Variants in TANGO6 observed in about 807,000 individuals in gnomAD.
TANGO6 encodes the protein transport and golgi organization 6 homolog, also known as transport and Golgi organization protein 6 homolog.
In TANGO6, 90 loss-of-function variants were observed where a neutral mutation model predicts 114.2. That is an observed-to-expected ratio of 0.79 (90% confidence interval 0.66 to 0.94). TANGO6 has a LOEUF of 0.94. Ranked by LOEUF, TANGO6 falls within the 40% of genes least tolerant of loss-of-function variation. The pLI, the probability that TANGO6 is intolerant of heterozygous loss-of-function variation, is 0.00. For missense variants in TANGO6, 1,274 were observed against 1,315.3 expected (o/e 0.97, Z 0.49); for synonymous variants, 477 against 509.8 (o/e 0.94, Z 0.87).
intron 4 of TANGO6, among the ~76,000 whole-genome samples, chr16:68,873,022 T>A (rs879725607): frequency 2.0e-4 from 30 of 151,524 alleles, no homozygotes; most frequent in Non-Finnish European, 3.1e-4. Flanking sequence ...TTTTTTTTTT[T>A]AAAGAGTACA....
At chr16:68,878,633 C>G (rs1401204758) in intron 6 of TANGO6, among the ~76,000 whole-genome samples, 1 of 152,140 alleles carries the variant, frequency 6.6e-6, no homozygotes, top group Non-Finnish European at 1.5e-5. Context: ...ATGTCAGTCT[C>G]CTACATAACC....
chr16:69,073,682 C>T (rs113031136), intron 17 of TANGO6, among the ~76,000 whole-genome samples: 2,625 of 152,268 alleles, frequency 0.017, 84 homozygotes, highest in African/African-American at 0.059. Context: ...CGAAGCCAGG[C>T]CTGGTGGCTC....
chr16:68,972,925 C>T (rs560700403), intron 14 of TANGO6: 4 of 282,070 alleles, frequency 1.4e-5, no homozygotes, highest in East Asian at 1.1e-4. Context: ...CCGACTCCTC[C>T]GAGCCAGGAT....
chr16:68,870,212 G>T (rs1342449923), intron 4 of TANGO6, among the ~76,000 whole-genome samples: 1 of 152,150 alleles, frequency 6.6e-6, no homozygotes, highest in Admixed American at 6.6e-5. Flanking sequence ...GGGTTTGAGA[G>T]ATATTTAAGG....
chr16:69,008,928 C>T (rs948501613), intron 15 of TANGO6, among the ~76,000 whole-genome samples: 5 of 151,978 alleles, frequency 3.3e-5, no homozygotes, highest in African/African-American at 1.2e-4. Flanking sequence ...AGGTGTGAGC[C>T]ACCGAGCCCG....
At chr16:68,904,920 G>A (rs1260454920) in intron 9 of TANGO6, among the ~76,000 whole-genome samples, 3 of 152,168 alleles carry the variant, frequency 2.0e-5, no homozygotes, top group South Asian at 2.1e-4. Context: ...GCAACATAGC[G>A]AGACTCCATT....
intron 4 of TANGO6, chr16:68,867,941 A>C (rs1962205648): frequency 6.6e-6 from 1 of 151,482 alleles, no homozygotes; most frequent in Non-Finnish European, 1.5e-5. Flanking sequence ...CAGGAGTTCA[A>C]GACCAGCCTG....
rs1005832522 is a variant in TANGO6, at chr16:68,855,333, G to T, written c.95-4551G>T. The stretch of plus-strand genomic sequence containing the variant: ...GTGGTGGCTCACACCTGTAATGCCA[G>T]CACTTTGGGAGGCCAAGGCAGACAG... On this transcript the variant is annotated intron_variant, in intron 1 of 17. Coordinates refer to ENST00000261778, the MANE Select transcript of TANGO6 (RefSeq NM_024562.2). Among the ~76,000 whole-genome samples the T allele has an allele frequency of 4.6e-5, 7 of 152,162 alleles. No homozygotes were observed. The South Asian group carries it at 6.2e-4, about 14-fold the overall frequency.
Position 68,843,595 on chromosome 16 carries a change from G to A in TANGO6, c.-23G>A, listed in dbSNP as rs1395465732. The A allele has an allele frequency of 3.1e-6, 5 of 1,609,160 alleles. No individual in the cohort carries two copies. The Admixed American group carries it at 5.0e-5, about 16-fold the overall frequency. ...CTGCCGAGGCGCCTGAGCGGGTCGC[G>A]AGCGTGGTGTTACACTCCAGTCATG... On this transcript the variant is annotated 5_prime_UTR_variant, in exon 1 of 18. Transcript: ENST00000261778.
chr16:68,985,800 A>G (rs1335404054), intron 15 of TANGO6, among the ~76,000 whole-genome samples: 1 of 152,228 alleles, frequency 6.6e-6, no homozygotes, highest in East Asian at 1.9e-4. Context: ...GCAGTGAATT[A>G]AACTGCTAAT....
intron 8 of TANGO6, among the ~76,000 whole-genome samples, chr16:68,901,850 A>G (rs1007770809): frequency 2.0e-5 from 3 of 152,150 alleles, no homozygotes; most frequent in African/African-American, 7.2e-5. Context: ...AGAGACTGAC[A>G]AGGAACATGT....
At chr16:68,873,245 A>C (rs1249734805) in intron 4 of TANGO6, among the ~76,000 whole-genome samples, 2 of 152,096 alleles carry the variant, frequency 1.3e-5, no homozygotes, top group African/African-American at 4.8e-5. Flanking sequence ...CATTTCATAC[A>C]ATACATGGTC....
chr16:68,883,293 G>C (rs1281546463), intron 7 of TANGO6, among the ~76,000 whole-genome samples: 2 of 152,242 alleles, frequency 1.3e-5, no homozygotes, highest in Non-Finnish European at 2.9e-5. Flanking sequence ...CCTGAGGTAA[G>C]GAGTTCAAGA....
At position 69,050,905 on chromosome 16, in the gene TANGO6, G is replaced by A. The variant is rs993853748; in HGVS notation, c.3108+10484G>A. Among the ~76,000 whole-genome samples the A allele has an allele frequency of 3.3e-5, 5 of 152,152 alleles. No homozygotes were observed. The East Asian group carries it at 7.7e-4, about 23-fold the overall frequency. On this transcript the variant is annotated intron_variant, in intron 17 of 17. Transcript: ENST00000261778. Reference sequence around the variant, plus strand: ...CTCCCAAAGTGCTGGGATTACAGGCGTGAGCCATTGCACTTAGCTATTTGT... The same window carrying A: ...CTCCCAAAGTGCTGGGATTACAGGCATGAGCCATTGCACTTAGCTATTTGT...
At chr16:68,904,773 G>C (rs960260772) in intron 9 of TANGO6, among the ~76,000 whole-genome samples, 1 of 152,122 alleles carries the variant, frequency 6.6e-6, no homozygotes, top group Non-Finnish European at 1.5e-5. Context: ...CAATGCCTTT[G>C]TATTTGTTTA....
chr16:68,853,141 C>T (rs1961932711), intron 1 of TANGO6, among the ~76,000 whole-genome samples: 1 of 151,940 alleles, frequency 6.6e-6, no homozygotes, highest in African/African-American at 2.4e-5. Flanking sequence ...ATAATACATA[C>T]ATCATTCAGT....
intron 4 of TANGO6, 160 bp downstream of exon 4, chr16:68,867,380 G>A (rs1451236745): frequency 2.4e-6 from 2 of 836,788 alleles, no homozygotes; most frequent in East Asian, 2.6e-5. Context: ...CCGTTAATGA[G>A]CTTCTTTTCC....
At chr16:68,865,634 A>C (rs190212455) in intron 3 of TANGO6, among the ~76,000 whole-genome samples, 1 of 152,096 alleles carries the variant, frequency 6.6e-6, no homozygotes, top group South Asian at 2.1e-4. Flanking sequence ...AAAGAAATAC[A>C]AAAGAAATCC....
intron 14 of TANGO6, among the ~76,000 whole-genome samples, chr16:68,931,502 A>G (rs1433774655): frequency 2.0e-5 from 3 of 152,364 alleles, no homozygotes; most frequent in Admixed American, 6.5e-5. Flanking sequence ...AAATAGCTCA[A>G]ACAACCATCA....
Sources: gnomAD v4.1 joint callset for allele counts (sites outside exome capture counted in the v4.1 genomes callset) on GRCh38, gnomAD v4.1.1 for gene constraint, MANE v1.5 for transcripts, NCBI Gene and HGNC (gene_info 2026-07-23, HGNC 2026-07-21) for gene names.